RIMS2: variants seen among roughly 807,000 people sequenced by gnomAD.
RIMS2 encodes regulating synaptic membrane exocytosis 2, also known as regulating synaptic membrane exocytosis protein 2.
A neutral mutation model predicts 174.4 loss-of-function variants in RIMS2; 59 were observed. That is an observed-to-expected ratio of 0.34 (90% CI 0.27 to 0.42). The LOEUF is 0.42. Ranked by LOEUF, RIMS2 falls within the 10% of genes least tolerant of loss-of-function variation. The pLI is 1.00. For missense variants in RIMS2, 1,620 were observed against 1,666.3 expected (o/e 0.97, Z 0.48); for synonymous variants, 606 against 572.5 (o/e 1.06, Z -0.84).
intron 19 of RIMS2, among the ~76,000 whole-genome samples, chr8:104,035,513 T>C (rs914608148): frequency 2.6e-5 from 4 of 151,840 alleles, no homozygotes; most frequent in Admixed American, 1.3e-4. Context: ...GTAGGTTTTT[T>C]TTTTTACTTA....
intron 2 of RIMS2, among the ~76,000 whole-genome samples, chr8:103,708,107 C>T (rs1564363509): frequency 6.6e-6 from 1 of 152,192 alleles, no homozygotes; most frequent in Non-Finnish European, 1.5e-5. Flanking sequence ...CTGGGTTGCA[C>T]TTGGAGTAAA....
At chr8:103,805,414 T>C (rs920413353) in intron 3 of RIMS2, among the ~76,000 whole-genome samples, 1 of 152,132 alleles carries the variant, frequency 6.6e-6, no homozygotes, top group Non-Finnish European at 1.5e-5. Context: ...AAATAAATAG[T>C]ACAGAGAGTC....
At chr8:104,061,023 G>T (rs1353161998) in intron 19 of RIMS2, among the ~76,000 whole-genome samples, 1 of 152,118 alleles carries the variant, frequency 6.6e-6, no homozygotes, top group Non-Finnish European at 1.5e-5. Context: ...GTGCAGTGTG[G>T]TGCTGAAAAA....
chr8:104,105,910 C>T (rs1216081018), intron 19 of RIMS2, among the ~76,000 whole-genome samples: 14 of 151,448 alleles, frequency 9.2e-5, no homozygotes, highest in African/African-American at 2.4e-4. Context: ...CATGGTGGCA[C>T]GCACCAGTAG....
intron 1 of RIMS2, among the ~76,000 whole-genome samples, chr8:103,531,634 T>A (rs897574904): frequency 2.6e-5 from 4 of 152,212 alleles, no homozygotes; most frequent in Non-Finnish European, 5.9e-5. Flanking sequence ...TAAATGATTT[T>A]AAAACATCAA....
At chr8:104,185,571 A>G (rs1327579331) in intron 19 of RIMS2, among the ~76,000 whole-genome samples, 3 of 151,690 alleles carry the variant, frequency 2.0e-5, no homozygotes, top group African/African-American at 7.2e-5. Flanking sequence ...TAAAGTGAGC[A>G]AAGGACATGA....
intron 19 of RIMS2, among the ~76,000 whole-genome samples, chr8:104,022,614 C>T (rs1027104146): frequency 6.6e-6 from 1 of 152,086 alleles, no homozygotes; most frequent in African/African-American, 2.4e-5. Context: ...CTCCTGACCT[C>T]AGGTGATCCT....
At chr8:103,909,439 T>C (rs1278068678) in intron 4 of RIMS2, among the ~76,000 whole-genome samples, 2 of 152,136 alleles carry the variant, frequency 1.3e-5, no homozygotes, top group African/African-American at 4.8e-5. Context: ...TTACTTATTA[T>C]AAGAATGTGA....
intron 3 of RIMS2, among the ~76,000 whole-genome samples, chr8:103,835,985 T>C (rs1057338947): frequency 6.6e-6 from 1 of 152,204 alleles, no homozygotes; most frequent in African/African-American, 2.4e-5. Context: ...CTGATCTAAT[T>C]TTAAAAGAAA....
At chr8:103,716,412 C>G (rs1466832867) in intron 2 of RIMS2, 92 bp downstream of exon 5, 1 of 151,698 alleles carries the variant, frequency 6.6e-6, no homozygotes, top group Admixed American at 6.6e-5. Context: ...TTATATACTT[C>G]TCAGTGTTTT....
intron 3 of RIMS2, among the ~76,000 whole-genome samples, chr8:103,832,451 G>C (rs886782902): frequency 6.6e-6 from 1 of 151,972 alleles, no homozygotes; most frequent in Non-Finnish European, 1.5e-5. Flanking sequence ...TATGTCATGG[G>C]GGTTTGTTGT....
chr8:104,104,190 G>T (rs899661519), intron 19 of RIMS2, among the ~76,000 whole-genome samples: 1 of 152,192 alleles, frequency 6.6e-6, no homozygotes, highest in African/African-American at 2.4e-5. Context: ...GAGTTTAAAA[G>T]TTGAGTTGGG....
intron 8 of RIMS2, among the ~76,000 whole-genome samples, chr8:103,917,910 A>T (rs1195801017): frequency 6.6e-6 from 1 of 152,176 alleles, no homozygotes; most frequent in Admixed American, 6.5e-5. Flanking sequence ...TGGAGGTTGC[A>T]GTGAGCTGAG....
intron 19 of RIMS2, among the ~76,000 whole-genome samples, chr8:104,165,044 A>T (rs1255984960): frequency 6.6e-6 from 1 of 152,032 alleles, no homozygotes; most frequent in Non-Finnish European, 1.5e-5. Flanking sequence ...CTTATTTTTA[A>T]CCGAAATGGT....
chr8:104,032,963 T>G (rs2096432424), intron 19 of RIMS2, among the ~76,000 whole-genome samples: 1 of 151,974 alleles, frequency 6.6e-6, no homozygotes. Flanking sequence ...AATATAATTA[T>G]AATAATGATT....
intron 3 of RIMS2, among the ~76,000 whole-genome samples, chr8:103,802,903 C>T (rs778144966): frequency 1.5e-4 from 23 of 152,140 alleles, no homozygotes; most frequent in Admixed American, 6.5e-5. Flanking sequence ...ATACATTTTC[C>T]TATTGCATAT....
intron 3 of RIMS2, among the ~76,000 whole-genome samples, chr8:103,800,488 G>C (rs1224607808): frequency 1.3e-5 from 2 of 152,082 alleles, no homozygotes; most frequent in Admixed American, 6.6e-5. Flanking sequence ...TCCTTTATTA[G>C]ACTGAGAAAA....
At chr8:103,685,009 T>A (rs1364657423) in intron 1 of RIMS2, among the ~76,000 whole-genome samples, 1 of 152,162 alleles carries the variant, frequency 6.6e-6, no homozygotes, top group Non-Finnish European at 1.5e-5. Flanking sequence ...TTTTAGCCAT[T>A]ATATTTAGTT....
chr8:104,196,465 G>C (rs943071454), intron 19 of RIMS2, among the ~76,000 whole-genome samples: 1 of 151,842 alleles, frequency 6.6e-6, no homozygotes, highest in African/African-American at 2.4e-5. Flanking sequence ...ATTACTAGTA[G>C]CTTTAATTAC....
Sources: allele counts gnomAD v4.1 joint callset (sites outside exome capture counted in the v4.1 genomes callset), GRCh38; gene constraint gnomAD v4.1.1; transcripts MANE v1.5; gene names NCBI Gene and HGNC (gene_info 2026-07-23, HGNC 2026-07-21).